The following DMD variants were observed in gnomAD, a reference collection of about 807,000 sequenced individuals.
DMD encodes mutant dystrophin.
In DMD, 63 loss-of-function variants were observed where a neutral mutation model predicts 330.1. That is an observed-to-expected ratio of 0.19 (90% CI 0.16 to 0.24). The LOEUF (loss-of-function observed/expected upper bound fraction) is 0.24. Among genes scored for constraint, DMD ranks in the 10% least tolerant of loss-of-function variants. The pLI, the probability that DMD is intolerant of heterozygous loss-of-function variation, is 1.00. For synonymous variants in DMD, 1,223 were observed against 959.8 expected (o/e 1.27, Z -5.07); for missense variants, 3,344 against 2,684.1 (o/e 1.25, Z -5.43).
chrX:31,242,853 A>G (rs2048483454), intron 63 of DMD, among the ~76,000 whole-genome samples: 1 of 111,069 alleles, frequency 9.0e-6, no homozygotes, highest in Non-Finnish European at 1.9e-5. Flanking sequence ...TAGCAATAAG[A>G]GAAGATAAAA....
chrX:32,027,446 C>T (rs1201141301), intron 44 of DMD, among the ~76,000 whole-genome samples: 1 of 111,072 alleles, frequency 9.0e-6, no homozygotes, highest in Non-Finnish European at 1.9e-5. Context: ...TTTTATTTTT[C>T]CCTGCATCAA....
chrX:32,137,229 A>G (rs1414162059), intron 44 of DMD, among the ~76,000 whole-genome samples: 1 of 111,554 alleles, frequency 9.0e-6, no homozygotes, highest in Admixed American at 9.6e-5. Context: ...TGTGTATGCC[A>G]TCGCCAGCAA....
In DMD at chrX:32,493,215, T is replaced by G. The variant is rs1336437001; in HGVS notation, c.2381-1697A>C. On this transcript the variant is annotated intron_variant, in intron 19 of 78. Transcript: ENST00000357033. ...CTGCCCTGATAGTCTAATGTTCTAT[T>G]TGTCATAATGATATTAATGCTGCCA... Among the ~76,000 whole-genome samples, 3 of 111,771 alleles carry G rather than the reference T, an allele frequency of 2.7e-5. No individual in the cohort carries two copies. In the East Asian group the frequency reaches 8.4e-4, roughly 31 times the overall value.
At chrX:31,244,896 A>G (rs1423600173) in intron 63 of DMD, among the ~76,000 whole-genome samples, 2 of 112,020 alleles carry the variant, frequency 1.8e-5, no homozygotes, top group Non-Finnish European at 3.8e-5. Context: ...CTATACCCTC[A>G]GTAAACGTTT....
chrX:32,838,150 C>A (rs1253645748), intron 4 of DMD, among the ~76,000 whole-genome samples: 1 of 111,667 alleles, frequency 9.0e-6, no homozygotes, highest in East Asian at 2.8e-4. Context: ...AGCATTTCTA[C>A]TGTGCGATAC....
chrX:32,801,236 A>G (rs1260292910), intron 7 of DMD, among the ~76,000 whole-genome samples: 2 of 111,752 alleles, frequency 1.8e-5, no homozygotes, highest in Non-Finnish European at 3.8e-5. Flanking sequence ...ATGAGATGGT[A>G]TCTCATTGTG....
At chrX:31,722,379 C>G (rs917395968) in intron 52 of DMD, among the ~76,000 whole-genome samples, 3 of 110,686 alleles carry the variant, frequency 2.7e-5, no homozygotes, top group Non-Finnish European at 3.8e-5. Flanking sequence ...TTCAGCCTCC[C>G]AAAGTGCTGG....
chrX:32,362,789 T>C lies in DMD; in HGVS notation c.5324A>G (p.Lys1775Arg), dbSNP rs778893720. 2.0e-5 allele frequency: 24 copies of C among 1,209,080 alleles called. No individual in the cohort carries two copies. The African/African-American group carries it at 3.3e-4, about 17-fold the overall frequency. The change falls in exon 37 of 79, where the codon AAG becomes AGG. Residue 1775 changes from lysine (K) to arginine (R), a missense_variant and splice_region_variant. Lys to Arg is a conservative substitution (Grantham distance 26, BLOSUM62 2). Transcript: ENST00000357033. ...CCACCTTGGAGTAGATCTTCCTACCTTTCCAGTCTTAATTCTGTGTGAAAT... is the reference window on the plus strand; with the variant it reads ...CCACCTTGGAGTAGATCTTCCTACCCTTCCAGTCTTAATTCTGTGTGAAAT... ...AAISHRIKTG[K>R]ASIPLKELEQ...
chrX:32,120,119 C>G (rs1214795957), intron 44 of DMD, among the ~76,000 whole-genome samples: 1 of 112,445 alleles, frequency 8.9e-6, no homozygotes, highest in Admixed American at 9.4e-5. Flanking sequence ...TATCCTTAAA[C>G]AAATGTGTCT....
chrX:32,461,855 G>T (rs1419334435), intron 25 of DMD, among the ~76,000 whole-genome samples: 2 of 109,849 alleles, frequency 1.8e-5, no homozygotes, highest in Non-Finnish European at 3.8e-5. Context: ...ACTTACTTCA[G>T]GAGAAGAATG....
At chrX:31,226,814 T>C (rs1165269686) in intron 63 of DMD, among the ~76,000 whole-genome samples, 1 of 111,879 alleles carries the variant, frequency 8.9e-6, no homozygotes, top group Non-Finnish European at 1.9e-5. Context: ...CACTCATCAT[T>C]GAGTCCCTTT....
intron 2 of DMD, among the ~76,000 whole-genome samples, chrX:32,909,563 G>A (rs1322841943): frequency 9.0e-6 from 1 of 111,475 alleles, no homozygotes; most frequent in African/African-American, 3.3e-5. Context: ...TTTCTACCAA[G>A]TCTCAGCTTA....
chrX:32,040,581 A>G (rs1374827315), intron 44 of DMD, among the ~76,000 whole-genome samples: 3 of 111,746 alleles, frequency 2.7e-5, no homozygotes, highest in Non-Finnish European at 5.6e-5. Context: ...GGGGGGAGTC[A>G]AAAAGAAAGT....
intron 48 of DMD, among the ~76,000 whole-genome samples, chrX:31,844,061 A>G (rs1457745082): frequency 2.7e-5 from 3 of 111,471 alleles, no homozygotes; most frequent in Non-Finnish European, 3.8e-5. Context: ...GGGTTTCACC[A>G]TGTTGGCCAG....
chrX:32,991,407 G>A (rs750897483), intron 2 of DMD, among the ~76,000 whole-genome samples: 2 of 111,790 alleles, frequency 1.8e-5, no homozygotes, highest in East Asian at 2.8e-4. Context: ...TTGTCCATTA[G>A]AATTTTTGGT....
chrX:31,973,295 GA>G (rs770519912), intron 44 of DMD, among the ~76,000 whole-genome samples: 1,631 of 99,092 alleles, frequency 0.016, 23 homozygotes, highest in African/African-American at 0.042. Context: ...AAATAGTATA[GA>G]AAAAAAAAAG....
At position 31,603,991 on chromosome X, in the gene DMD, C is replaced by T. The variant is rs762088081; in HGVS notation, c.8217+23682G>A. 2.8e-4 allele frequency among the ~76,000 whole-genome samples: 32 copies of T among 112,435 alleles called. No individual in the cohort carries two copies. The South Asian group carries it at 0.012, about 41-fold the overall frequency. On this transcript the variant is annotated intron_variant, in intron 55 of 78. Coordinates refer to ENST00000357033, the MANE Select transcript of DMD (RefSeq NM_004006.3). ...CAGACATCACCCTTCCTGGGAAATG[C>T]TGACAAGTACGGACTGTGCTAAAGG...
At chrX:32,134,073 C>T (rs143757914) in intron 44 of DMD, among the ~76,000 whole-genome samples, 1 of 111,796 alleles carries the variant, frequency 8.9e-6, no homozygotes, top group East Asian at 2.8e-4. Flanking sequence ...TACCATGATA[C>T]CCTATTTAAA....
chrX:32,824,441 G>A (rs985082877), intron 4 of DMD, among the ~76,000 whole-genome samples: 3 of 112,064 alleles, frequency 2.7e-5, no homozygotes, highest in Non-Finnish European at 5.6e-5. Flanking sequence ...ATTGATACAT[G>A]CAGCAAATTG....
Sources: gnomAD v4.1 joint callset for allele counts (sites outside exome capture counted in the v4.1 genomes callset) on GRCh38, gnomAD v4.1.1 for gene constraint, MANE v1.5 for transcripts, NCBI Gene and HGNC (gene_info 2026-07-23, HGNC 2026-07-21) for gene names.